ATP8A2: variants seen among roughly 807,000 people sequenced by gnomAD.
ATP8A2 encodes the protein ATPase phospholipid transporting 8A2.
A neutral mutation model predicts 165.6 loss-of-function variants in ATP8A2; 100 were observed. That is an observed-to-expected ratio of 0.60 (90% CI 0.51 to 0.71). The LOEUF is 0.71. Ranked by LOEUF, ATP8A2 falls within the 30% of genes least tolerant of loss-of-function variation. The pLI, the probability that ATP8A2 is intolerant of heterozygous loss-of-function variation, is 0.00. For synonymous variants in ATP8A2, 543 were observed against 548.8 expected, an observed-to-expected ratio of 0.99 and a Z score of 0.15; for missense variants, 1,227 against 1,479.5, an observed-to-expected ratio of 0.83 and a Z score of 2.80.
chr13:25,711,551 A>T (rs552766268), intron 25 of ATP8A2, among the ~76,000 whole-genome samples: 106 of 145,498 alleles, frequency 7.3e-4, no homozygotes, highest in African/African-American at 2.6e-3. Context: ...CTCTATATTT[A>T]AAAAAAAAAA....
At chr13:25,805,075 T>C (rs950987752) in intron 27 of ATP8A2, among the ~76,000 whole-genome samples, 1 of 152,214 alleles carries the variant, frequency 6.6e-6, no homozygotes, top group African/African-American at 2.4e-5. Flanking sequence ...GGTGCTTTGC[T>C]AAGAGTTTTG....
intron 33 of ATP8A2, among the ~76,000 whole-genome samples, chr13:25,955,744 G>A (rs1412682924): frequency 1.3e-5 from 2 of 152,066 alleles, no homozygotes; most frequent in African/African-American, 2.4e-5. Flanking sequence ...CCAAACAATA[G>A]AAAAAGAGGG....
chr13:25,826,241 TA>T (rs200366921), intron 27 of ATP8A2, among the ~76,000 whole-genome samples: 30 of 152,114 alleles, frequency 2.0e-4, no homozygotes, highest in African/African-American at 6.5e-4. Context: ...TACAATAAAA[TA>T]AAAAGTTTTA....
At chr13:25,563,700 T>G (rs1327677396) in intron 15 of ATP8A2, among the ~76,000 whole-genome samples, 1 of 152,194 alleles carries the variant, frequency 6.6e-6, no homozygotes, top group African/African-American at 2.4e-5. Context: ...CTTCTGTTTC[T>G]TCTCCTTGTA....
At chr13:25,875,812 G>A (rs1163693961) in intron 33 of ATP8A2, among the ~76,000 whole-genome samples, 1 of 152,224 alleles carries the variant, frequency 6.6e-6, no homozygotes, top group Non-Finnish European at 1.5e-5. Context: ...TTGTTTTGGA[G>A]ATGATATTAA....
At chr13:25,708,887 T>A (rs189902523) in intron 25 of ATP8A2, among the ~76,000 whole-genome samples, 2 of 152,312 alleles carry the variant, frequency 1.3e-5, no homozygotes, top group African/African-American at 4.8e-5. Flanking sequence ...AGTTGCCAAA[T>A]TTTGGGAGCC....
chr13:25,506,940 C>CATACATATATATATATATATATATAT, intron 2 of ATP8A2, among the ~76,000 whole-genome samples: 1 of 128,710 alleles, frequency 7.8e-6, no homozygotes, highest in Non-Finnish European at 1.7e-5. Flanking sequence ...CAGTACAGTA[C>CATACATATATATATATATATATATAT]ATATATATAT....
In ATP8A2 at chr13:25,717,432, A is replaced by AAAAAAC. The variant is rs1555254279; in HGVS notation, c.2384+18091_2384+18092insACAAAA. ...CCTGAAAAAACTAAAAAAAAAAAAA[A>AAAAAAC]AAAACACCAAGGTAGGCACTACCAC... is the stretch of plus-strand genomic sequence containing the variant. On this transcript the variant is annotated intron_variant, in intron 25 of 36. Coordinates refer to ENST00000381655, the MANE Select transcript of ATP8A2 (RefSeq NM_016529.6). Among the ~76,000 whole-genome samples, 133 of 151,634 alleles carry AAAAAAC rather than the reference A, an allele frequency of 8.8e-4. 1 individual carries two copies. The highest frequency in any genetic ancestry group is 5.4e-3 in the East Asian group (28 of 5,156).
intron 27 of ATP8A2, among the ~76,000 whole-genome samples, chr13:25,794,251 C>T (rs1950451133): frequency 6.6e-6 from 1 of 152,134 alleles, no homozygotes; most frequent in African/African-American, 2.4e-5. Context: ...TTTCTACTTA[C>T]CAAATACTAG....
chr13:25,714,254 A>G (rs1384757865), intron 25 of ATP8A2, among the ~76,000 whole-genome samples: 1 of 152,126 alleles, frequency 6.6e-6, no homozygotes, highest in Non-Finnish European at 1.5e-5. Context: ...TCCCGGCCAC[A>G]TTGGACTCCT....
intron 24 of ATP8A2, among the ~76,000 whole-genome samples, chr13:25,653,808 A>G (rs779002335): frequency 6.6e-6 from 1 of 152,126 alleles, no homozygotes; most frequent in Non-Finnish European, 1.5e-5. Flanking sequence ...ATCTGTTCCA[A>G]CTTTTCAGGC....
At chr13:25,830,403 A>G (rs908738208) in intron 28 of ATP8A2, among the ~76,000 whole-genome samples, 2 of 152,108 alleles carry the variant, frequency 1.3e-5, no homozygotes, top group African/African-American at 4.8e-5. Flanking sequence ...TGTGATAGAA[A>G]AGTGTATTTC....
chr13:25,532,337 G>A lies in ATP8A2; in HGVS notation c.466+20G>A, dbSNP rs1566231846. 5 of 1,594,286 alleles carry A rather than the reference G, an allele frequency of 3.1e-6. No individual in the cohort carries two copies. The South Asian group carries it at 3.5e-5, about 11-fold the overall frequency. On this transcript the variant is annotated intron_variant, in intron 5 of 36. Coordinates refer to ENST00000381655, the MANE Select transcript of ATP8A2 (RefSeq NM_016529.6). ...CAATAGGTAAGATCCCAGGCTGAAG[G>A]ACTTTTTCCACTGGAAAACTTAAGA...
chr13:25,865,914 G>GT (rs954577856), intron 33 of ATP8A2, among the ~76,000 whole-genome samples: 56 of 152,082 alleles, frequency 3.7e-4, no homozygotes, highest in Non-Finnish European at 6.2e-4. Flanking sequence ...ACATGATGAT[G>GT]TTTTTTTTCC....
intron 25 of ATP8A2, among the ~76,000 whole-genome samples, chr13:25,702,231 A>G (rs920334038): frequency 5.3e-5 from 8 of 152,218 alleles, no homozygotes; most frequent in African/African-American, 1.9e-4. Flanking sequence ...TGGTCTATGA[A>G]ATCATGAAGC....
chr13:25,633,708 G>A (rs542989646), intron 24 of ATP8A2, among the ~76,000 whole-genome samples: 58 of 152,238 alleles, frequency 3.8e-4, no homozygotes, highest in Non-Finnish European at 7.2e-4. Context: ...GGACGTGGTC[G>A]CTCACGCTTG....
At chr13:25,441,072 G>A (rs758135668) in intron 1 of ATP8A2, among the ~76,000 whole-genome samples, 1 of 152,132 alleles carries the variant, frequency 6.6e-6, no homozygotes, top group South Asian at 2.1e-4. Context: ...CCTGATTGGG[G>A]ATCAGGATGT....
intron 1 of ATP8A2, among the ~76,000 whole-genome samples, chr13:25,442,461 T>C (rs2034957304): frequency 6.6e-6 from 1 of 152,192 alleles, no homozygotes; most frequent in Non-Finnish European, 1.5e-5. Flanking sequence ...TCACCCACGT[T>C]GAAGTGCAGT....
intron 15 of ATP8A2, among the ~76,000 whole-genome samples, 163 bp from the exon 16 acceptor site, chr13:25,563,793 G>A (rs2039231454): frequency 6.6e-6 from 1 of 152,128 alleles, no homozygotes; most frequent in South Asian, 2.1e-4. Context: ...TAATTGTTTT[G>A]AGGTTTAAAA....
Sources: allele counts gnomAD v4.1 joint callset (sites outside exome capture counted in the v4.1 genomes callset), GRCh38; gene constraint gnomAD v4.1.1; transcripts MANE v1.5; gene names NCBI Gene and HGNC (gene_info 2026-07-23, HGNC 2026-07-21).